ACSS3: variants seen among roughly 807,000 people sequenced by gnomAD.
ACSS3 encodes acyl-CoA synthetase short-chain family member 3, mitochondrial.
Under a neutral mutation model 84.2 loss-of-function variants are expected in ACSS3, and 64 were observed. The observed-to-expected ratio is 0.76, with a 90% CI of 0.62 to 0.94. ACSS3 has a LOEUF of 0.94. ACSS3 is among the 40% of genes least tolerant of loss of function. ACSS3 has a pLI of 0.00. For missense variants in ACSS3, 815 were observed against 867.6 expected (o/e 0.94, Z 0.76); for synonymous variants, 317 against 310.1 (o/e 1.02, Z -0.23).
chr12:81,230,392 T>C (rs1476807753), intron 11 of ACSS3, among the ~76,000 whole-genome samples: 1 of 151,840 alleles, frequency 6.6e-6, no homozygotes, highest in Non-Finnish European at 1.5e-5. Flanking sequence ...ATATAACACC[T>C]GTTTGACCCT....
intron 8 of ACSS3, among the ~76,000 whole-genome samples, chr12:81,184,260 G>A (rs10862255): frequency 0.64 from 97,058 of 151,674 alleles, 31,898 homozygotes; most frequent in Non-Finnish European, 0.72. Context: ...TGGAAACACA[G>A]TATACCAAAA....
At chr12:81,213,445 T>C (rs1042707120) in intron 9 of ACSS3, among the ~76,000 whole-genome samples, 3 of 152,074 alleles carry the variant, frequency 2.0e-5, no homozygotes, top group African/African-American at 7.2e-5. Flanking sequence ...ACAACTACGG[T>C]CTTTTTCAGC....
At chr12:81,211,690 A>G (rs919444027) in intron 9 of ACSS3, among the ~76,000 whole-genome samples, 3 of 152,210 alleles carry the variant, frequency 2.0e-5, no homozygotes, top group South Asian at 2.1e-4. Context: ...TAAATTAAAC[A>G]TGGACATAGA....
intron 9 of ACSS3, among the ~76,000 whole-genome samples, chr12:81,216,320 G>A (rs1326922253): frequency 6.6e-6 from 1 of 151,548 alleles, no homozygotes; most frequent in Non-Finnish European, 1.5e-5. Flanking sequence ...GGAGGGGGGA[G>A]GGATAGCATT....
Position 81,260,073 on chromosome 12 carries a change from G to A in ACSS3, c.*5151G>A, listed in dbSNP as rs570452969. ...CCTTTATTTGTTACAAAAACATAAC[G>A]ATAATAAGTCACCTATTGTAAACGT... On this transcript the variant is annotated 3_prime_UTR_variant, in exon 16 of 16. Transcript: ENST00000548058. 8 of 155,402 alleles carry A rather than the reference G, an allele frequency of 5.1e-5. No homozygotes were observed. Among genetic ancestry groups the A allele is most frequent in the East Asian group, 3.8e-4 (2 of 5,328 alleles). The allele number at this position is 155,402 out of a possible 1,614,324, so 9.6% of individuals were successfully genotyped here.
intron 13 of ACSS3, among the ~76,000 whole-genome samples, chr12:81,243,682 A>G (rs1324893741): frequency 6.6e-6 from 1 of 152,156 alleles, no homozygotes; most frequent in Non-Finnish European, 1.5e-5. Context: ...ATGGAACAGA[A>G]CAGAGCCCTC....
chr12:81,214,271 C>A (rs1460211969), intron 9 of ACSS3, among the ~76,000 whole-genome samples: 1 of 152,008 alleles, frequency 6.6e-6, no homozygotes, highest in Admixed American at 6.6e-5. Flanking sequence ...GGTGATCCAC[C>A]AGCCTCGGCC....
intron 8 of ACSS3, among the ~76,000 whole-genome samples, chr12:81,193,560 C>CT (rs796248321): frequency 1.3e-5 from 2 of 151,886 alleles, no homozygotes; most frequent in African/African-American, 2.4e-5. Context: ...CTCTCCTCTC[C>CT]TTTTTTTCTA....
intron 7 of ACSS3, among the ~76,000 whole-genome samples, chr12:81,171,885 G>A (rs553779473): frequency 1.3e-5 from 2 of 152,084 alleles, no homozygotes; most frequent in African/African-American, 4.8e-5. Context: ...TTGCTCCAAG[G>A]CTACAAACCT....
chr12:81,078,306 C>T lies in ACSS3; in HGVS notation c.186C>T (p.Tyr62=). 1 of 1,612,288 alleles carries T rather than the reference C, an allele frequency of 6.2e-7. No individual in the cohort carries two copies. The highest frequency in any genetic ancestry group is 8.5e-7 in the Non-Finnish European group (1 of 1,179,968). The change falls in exon 1 of 16, where the codon TAC becomes TAT. Residue 62 remains tyrosine (Y), a synonymous_variant. Coordinates refer to ENST00000548058, the MANE Select transcript of ACSS3 (RefSeq NM_024560.4). ...RALSSGSGSE[Y]KTHFAASVTD... is the part of the protein sequence containing the mutation. ...TGTCCTCCGGCAGTGGCAGCGAGTA[C>T]AAGACCCACTTCGCAGCCTCGGTGA...
chr12:81,211,398 A>G (rs577606434), intron 9 of ACSS3, among the ~76,000 whole-genome samples: 3 of 152,308 alleles, frequency 2.0e-5, no homozygotes, highest in South Asian at 2.1e-4. Flanking sequence ...AGGATTTTTT[A>G]TAAGAACTGC....
chr12:81,089,675 C>G (rs1408328401), intron 1 of ACSS3, among the ~76,000 whole-genome samples: 1 of 151,838 alleles, frequency 6.6e-6, no homozygotes, highest in Non-Finnish European at 1.5e-5. Context: ...CTTTCTGTAA[C>G]CTGATGTATT....
Position 81,231,076 on chromosome 12 carries a change from G to C in ACSS3, c.1534G>C (p.Ala512Pro). Residue 512 changes from alanine (A) to proline (P), a missense_variant, in exon 12 of 16, where the codon GCT becomes CCT. Physicochemically the swap from Ala to Pro is conservative, Grantham distance 27. Coordinates refer to ENST00000548058, the MANE Select transcript of ACSS3 (RefSeq NM_024560.4). ...IVVKLPLPPG[A>P]FSGLWKNQEA... Reference sequence around the variant, plus strand: ...TATAAGGTTACCATTGCCACCTGGGGCTTTTTCAGGACTCTGGAAGAATCA... The same window carrying C: ...TATAAGGTTACCATTGCCACCTGGGCCTTTTTCAGGACTCTGGAAGAATCA... 6.2e-7 allele frequency: 1 copy of C among 1,610,498 alleles called. No homozygotes were observed. The highest frequency in any genetic ancestry group is 8.5e-7 in the Non-Finnish European group (1 of 1,178,046).
At chr12:81,090,252 C>G (rs1317968954) in intron 1 of ACSS3, among the ~76,000 whole-genome samples, 1 of 151,864 alleles carries the variant, frequency 6.6e-6, no homozygotes, top group East Asian at 1.9e-4. Context: ...TTTAGTGGTT[C>G]TTTCCTAAAA....
In ACSS3 at chr12:81,197,050, A is replaced by AT. The variant is rs573032012; in HGVS notation, c.1251-2282dup. ...TCTGTGAATATCTTTATATTAGCAG[A>AT]TTTTTTTTTAATTTTCTCAGAAAAC... is the stretch of plus-strand genomic sequence containing the variant. On this transcript the variant is annotated intron_variant, in intron 8 of 15. Transcript: ENST00000548058. Among the ~76,000 whole-genome samples, 14 of 151,806 alleles carry AT rather than the reference A, an allele frequency of 9.2e-5. 1 individual carries two copies. The highest frequency in any genetic ancestry group is 4.2e-4 in the South Asian group (2 of 4,806).
chr12:81,216,194 T>G (rs1461472241), intron 9 of ACSS3, among the ~76,000 whole-genome samples: 1 of 151,382 alleles, frequency 6.6e-6, no homozygotes, highest in Non-Finnish European at 1.5e-5. Context: ...TTTTTTATTT[T>G]TATTATTATT....
intron 3 of ACSS3, among the ~76,000 whole-genome samples, chr12:81,136,926 G>A (rs1885833396): frequency 1.3e-5 from 2 of 151,926 alleles, no homozygotes; most frequent in South Asian, 4.1e-4. Flanking sequence ...AGGAAGGAAG[G>A]TGCTTATCAG....
At chr12:81,145,166 T>C (rs1240275050) in intron 5 of ACSS3, among the ~76,000 whole-genome samples, 1 of 147,672 alleles carries the variant, frequency 6.8e-6, no homozygotes, top group Non-Finnish European at 1.5e-5. Flanking sequence ...TCCACCCGCC[T>C]CGGCCTCCCA....
chr12:81,144,903 C>T (rs200631613), intron 5 of ACSS3, among the ~76,000 whole-genome samples: 24 of 116,938 alleles, frequency 2.1e-4, no homozygotes, highest in Middle Eastern at 5.3e-3. Flanking sequence ...TTTTTCTTTT[C>T]TTTTTTTTTT....
Sources: gnomAD v4.1 joint callset for allele counts (sites outside exome capture counted in the v4.1 genomes callset) on GRCh38, gnomAD v4.1.1 for gene constraint, MANE v1.5 for transcripts, NCBI Gene and HGNC (gene_info 2026-07-23, HGNC 2026-07-21) for gene names.